Variants in PLCE1 observed in about 807,000 individuals in gnomAD.
PLCE1 encodes the protein 1-phosphatidylinositol 4,5-bisphosphate phosphodiesterase epsilon-1.
In PLCE1, 119 loss-of-function variants were observed where a neutral mutation model predicts 242.8. The ratio of observed to expected loss-of-function variants is 0.49; its 90% CI spans 0.42 to 0.57. PLCE1 has a LOEUF of 0.57. PLCE1 is among the 20% of genes least tolerant of loss of function. PLCE1 has a pLI of 0.00. For missense variants in PLCE1, 2,441 were observed against 2,788.8 expected, an observed-to-expected ratio of 0.88 and a Z score of 2.81; for synonymous variants, 945 against 1,017.4, an observed-to-expected ratio of 0.93 and a Z score of 1.35.
chr10:94,302,523 CA>C (rs368823170), intron 24 of PLCE1, among the ~76,000 whole-genome samples: 18 of 148,456 alleles, frequency 1.2e-4, no homozygotes, highest in Admixed American at 4.7e-4. Context: ...GTCATGATCA[CA>C]AAAAAAAAAT....
intron 8 of PLCE1, among the ~76,000 whole-genome samples, chr10:94,251,101 C>T (rs933373270): frequency 3.3e-5 from 5 of 152,174 alleles, no homozygotes; most frequent in African/African-American, 1.2e-4. Context: ...TTGATTGACA[C>T]ACCCATCGAG....
chr10:94,046,979 T>C (rs991775936), intron 2 of PLCE1, among the ~76,000 whole-genome samples: 5 of 152,226 alleles, frequency 3.3e-5, no homozygotes, highest in Non-Finnish European at 7.3e-5. Flanking sequence ...TATTCTTTTT[T>C]AAAATTTTGT....
At chr10:94,211,942 A>T (rs910510465) in intron 4 of PLCE1, among the ~76,000 whole-genome samples, 7 of 152,168 alleles carry the variant, frequency 4.6e-5, no homozygotes, top group Non-Finnish European at 8.8e-5. Context: ...GCATTATTCT[A>T]AATGTTAATT....
At chr10:94,167,182 T>C (rs1436573280) in intron 3 of PLCE1, among the ~76,000 whole-genome samples, 1 of 152,088 alleles carries the variant, frequency 6.6e-6, no homozygotes, top group African/African-American at 2.4e-5. Flanking sequence ...TCCCAGCTAC[T>C]TGGGAGGCTG....
intron 2 of PLCE1, among the ~76,000 whole-genome samples, chr10:94,081,623 T>C: frequency 6.6e-6 from 1 of 152,236 alleles, no homozygotes; most frequent in African/African-American, 2.4e-5. Flanking sequence ...ACCTCTAGTA[T>C]GATATTAAAT....
chr10:94,171,501 GA>G lies in PLCE1; in HGVS notation c.1809+7del, dbSNP rs1267293691. ...CTGGTGATGAGGTTTAATGAGGTAA[GA>G]AGCCACTTTTTGATGTCTTGGTATT... On this transcript the variant is annotated splice_donor_region_variant and intron_variant, in intron 4 of 32. Transcript: ENST00000371380. 6.2e-7 allele frequency: 1 copy of G among 1,611,466 alleles called. No individual in the cohort carries two copies. The highest frequency in any genetic ancestry group is 1.3e-5 in the African/African-American group (1 of 74,870).
At chr10:94,195,844 C>A (rs1230074239) in intron 4 of PLCE1, among the ~76,000 whole-genome samples, 2 of 152,114 alleles carry the variant, frequency 1.3e-5, no homozygotes, top group African/African-American at 4.8e-5. Context: ...TGAGTCTAGG[C>A]CTTTTGTTCT....
chr10:94,136,107 A>T (rs2046765608), intron 3 of PLCE1, among the ~76,000 whole-genome samples: 2 of 152,218 alleles, frequency 1.3e-5, no homozygotes, highest in African/African-American at 4.8e-5. Flanking sequence ...AATTAAACGG[A>T]GTTGGTAAAG....
In PLCE1 at chr10:94,203,007, A is replaced by C. The variant is rs183236889; in HGVS notation, c.1810-24299A>C. Among the ~76,000 whole-genome samples the C allele has an allele frequency of 2.6e-4, 40 of 152,360 alleles. No homozygotes were observed. In the East Asian group the frequency reaches 6.9e-3, roughly 26 times the overall value. On this transcript the variant is annotated intron_variant, in intron 4 of 32. Transcript: ENST00000371380. ...ACCTGACTTAGGTGATAATAGCTAC[A>C]ATTAGTTGAACACTTCTGCAAGCCA...
intron 1 of PLCE1, among the ~76,000 whole-genome samples, chr10:94,019,503 T>C (rs1337092720): frequency 6.6e-6 from 1 of 152,212 alleles, no homozygotes; most frequent in Admixed American, 6.5e-5. Flanking sequence ...ACTGATCCAA[T>C]TCTATCTCCA....
At chr10:94,283,950 G>C in intron 21 of PLCE1, 39 bp downstream of exon 21, 1 of 1,601,152 alleles carries the variant, frequency 6.2e-7, no homozygotes, top group Admixed American at 1.7e-5. Flanking sequence ...CTTTGACCAT[G>C]TGGTACTCTT....
chr10:94,214,542 T>C (rs960278114), intron 4 of PLCE1, among the ~76,000 whole-genome samples: 1 of 152,042 alleles, frequency 6.6e-6, no homozygotes, highest in African/African-American at 2.4e-5. Context: ...GAATTGATCT[T>C]GGTGGGATGC....
At chr10:94,273,801 T>A in intron 19 of PLCE1, 81 bp downstream of exon 19, 1 of 1,289,422 alleles carries the variant, frequency 7.8e-7, no homozygotes, top group Non-Finnish European at 1.1e-6. Flanking sequence ...ACCTTTCAGA[T>A]GACCTGCTGG....
intron 4 of PLCE1, among the ~76,000 whole-genome samples, chr10:94,210,499 G>A (rs1012373120): frequency 6.6e-6 from 1 of 152,094 alleles, no homozygotes; most frequent in African/African-American, 2.4e-5. Flanking sequence ...ACTTGAGCTT[G>A]CTCACCAAAA....
intron 2 of PLCE1, among the ~76,000 whole-genome samples, chr10:94,047,774 C>T (rs2043637581): frequency 6.6e-6 from 1 of 152,138 alleles, no homozygotes; most frequent in South Asian, 2.1e-4. Flanking sequence ...ATATGGTTCC[C>T]TGCTCTTGAC....
At chr10:94,163,747 A>G (rs1388238159) in intron 3 of PLCE1, among the ~76,000 whole-genome samples, 1 of 152,156 alleles carries the variant, frequency 6.6e-6, no homozygotes, top group East Asian at 1.9e-4. Flanking sequence ...GTTTCTTCCT[A>G]GCCGTGATGG....
intron 4 of PLCE1, among the ~76,000 whole-genome samples, chr10:94,179,828 G>T (rs184274199): frequency 5.3e-5 from 8 of 151,342 alleles, no homozygotes; most frequent in African/African-American, 1.9e-4. Context: ...TTTAAATGGG[G>T]CTAATAATAT....
At chr10:94,304,418 T>C (rs1312874977) in intron 24 of PLCE1, 64 bp from the exon 25 acceptor site, 8 of 1,427,612 alleles carry the variant, frequency 5.6e-6, no homozygotes, top group Admixed American at 1.7e-5. Context: ...TTTCAATTTA[T>C]AAGGTGATAC....
intron 20 of PLCE1, 120 bp downstream of exon 20, chr10:94,280,031 T>C: frequency 9.7e-7 from 1 of 1,033,316 alleles, no homozygotes; most frequent in East Asian, 2.4e-5. Context: ...TGTAATATTG[T>C]CCAGGAGTTT....
Sources: allele counts gnomAD v4.1 joint callset (sites outside exome capture counted in the v4.1 genomes callset), GRCh38; gene constraint gnomAD v4.1.1; transcripts MANE v1.5; gene names NCBI Gene and HGNC (gene_info 2026-07-23, HGNC 2026-07-21).